Variants in SERGEF observed in about 807,000 individuals in gnomAD.
SERGEF encodes secretion-regulating guanine nucleotide exchange factor.
A neutral mutation model predicts 50.0 loss-of-function variants in SERGEF; 51 were observed. That is an observed-to-expected ratio of 1.02 (90% CI 0.81 to 1.29). SERGEF has a LOEUF of 1.29. SERGEF is among the 50% of genes most tolerant of loss of function. The probability of loss-of-function intolerance (pLI) is 0.00; values close to 1 mark genes in which losing one functional copy is unlikely to be tolerated. For missense variants in SERGEF, 521 were observed against 557.0 expected (o/e 0.94, Z 0.65); for synonymous variants, 205 against 212.4 (o/e 0.97, Z 0.30).
At chr11:17,976,877 G>A (rs183198013) in intron 8 of SERGEF, among the ~76,000 whole-genome samples, 2 of 152,392 alleles carry the variant, frequency 1.3e-5, no homozygotes, top group Admixed American at 6.5e-5. Flanking sequence ...ACTATGGACA[G>A]ATGGGGAAGC....
chr11:17,996,205 C>T (rs114314873), intron 5 of SERGEF, among the ~76,000 whole-genome samples: 217 of 152,202 alleles, frequency 1.4e-3, no homozygotes, highest in African/African-American at 5.0e-3. Flanking sequence ...GGAATGACAC[C>T]TTATTCATGA....
At chr11:17,890,609 T>C (rs561123) in intron 9 of SERGEF, among the ~76,000 whole-genome samples, 95,715 of 151,902 alleles carry the variant, frequency 0.63, 30,393 homozygotes, top group Non-Finnish European at 0.66. Context: ...TTTGTAGAGA[T>C]GGGGTCTTAT....
intron 9 of SERGEF, among the ~76,000 whole-genome samples, chr11:17,928,418 G>A (rs1206655298): frequency 6.6e-6 from 1 of 152,118 alleles, no homozygotes; most frequent in Non-Finnish European, 1.5e-5. Context: ...GAAGCAGAGT[G>A]GAACCAGCAC....
At chr11:17,970,285 A>T (rs930039245) in intron 8 of SERGEF, among the ~76,000 whole-genome samples, 2 of 152,182 alleles carry the variant, frequency 1.3e-5, no homozygotes, top group African/African-American at 4.8e-5. Context: ...GGTGATCTGT[A>T]ATCAATGATC....
At chr11:17,903,703 G>A (rs1055684385) in intron 9 of SERGEF, among the ~76,000 whole-genome samples, 8 of 152,118 alleles carry the variant, frequency 5.3e-5, no homozygotes, top group Non-Finnish European at 1.2e-4. Context: ...TAAAACACGG[G>A]GAGAGATATA....
chr11:17,788,309 A>T lies in SERGEF; in HGVS notation c.1153T>A (p.Ser385Thr). The change falls in exon 11 of 11, where the codon TCA becomes ACA. Residue 385 changes from serine (S) to threonine (T), a missense_variant. Transcript: ENST00000265965. ...GCCCCACAGCCCACAAGGAGTCCTG[A>T]CGATGACAGCAGAGCCTGCACCGGC... ...PKPVQALLSS[S>T]GLLVGCGAGH... The T allele has an allele frequency of 6.2e-7, 1 of 1,614,228 alleles. No homozygotes were observed. Among genetic ancestry groups the T allele is most frequent in the South Asian group, 1.1e-5 (1 of 91,090 alleles).
At chr11:17,883,716 T>G (rs1223028700) in intron 9 of SERGEF, among the ~76,000 whole-genome samples, 1 of 152,154 alleles carries the variant, frequency 6.6e-6, no homozygotes, top group Non-Finnish European at 1.5e-5. Flanking sequence ...GCAAGCCCAG[T>G]GCCAGGGACG....
intron 9 of SERGEF, among the ~76,000 whole-genome samples, chr11:17,911,365 TTAAAATATATA>T (rs968930573): frequency 2.0e-5 from 3 of 146,824 alleles, no homozygotes; most frequent in African/African-American, 5.0e-5. Context: ...ATTTTATATA[TTAAAATATATA>T]TAAAATATAT....
intron 10 of SERGEF, among the ~76,000 whole-genome samples, chr11:17,831,454 C>A (rs1039465288): frequency 6.6e-6 from 1 of 152,076 alleles, no homozygotes; most frequent in Non-Finnish European, 1.5e-5. Context: ...GGTGGCAAAG[C>A]CAAAACCAGG....
chr11:17,821,713 T>C (rs1850088412), intron 10 of SERGEF, among the ~76,000 whole-genome samples: 1 of 152,228 alleles, frequency 6.6e-6, no homozygotes, highest in Non-Finnish European at 1.5e-5. Context: ...TTAATCTCTC[T>C]ATATTAATTC....
At position 17,992,938 on chromosome 11, in the gene SERGEF, T is replaced by C. The variant is rs1396746883; in HGVS notation, c.678A>G (p.Ser226=). ...GAAAGAGCTGGTACCTACCTGTTAA[T>C]GAAGCTGAGTGGTCTGAGCCAGCAA... is the stretch of plus-strand genomic sequence containing the variant. The part of the protein sequence containing the change: ...CVLAGSDHSA[S]LTDAGEVYVW... Residue 226 remains serine (S), a synonymous_variant, in exon 7 of 11, where the codon TCA becomes TCG. Transcript: ENST00000265965. 1.6e-5 allele frequency: 26 copies of C among 1,614,002 alleles called. No homozygotes were observed. The highest frequency in any genetic ancestry group is 2.1e-5 in the Non-Finnish European group (25 of 1,179,840).
chr11:17,869,421 C>T (rs568716089), intron 10 of SERGEF, among the ~76,000 whole-genome samples: 257 of 152,310 alleles, frequency 1.7e-3, no homozygotes, highest in Non-Finnish European at 2.3e-3. Flanking sequence ...CTTAGTCCTT[C>T]TGGGCTGCTA....
At chr11:17,846,313 T>C (rs1331997562) in intron 10 of SERGEF, among the ~76,000 whole-genome samples, 2 of 152,212 alleles carry the variant, frequency 1.3e-5, no homozygotes, top group Non-Finnish European at 2.9e-5. Context: ...CTGCAGTTAA[T>C]ACACGGCAGA....
intron 1 of SERGEF, among the ~76,000 whole-genome samples, chr11:18,011,199 C>T (rs958227775): frequency 2.6e-5 from 4 of 151,728 alleles, no homozygotes; most frequent in Admixed American, 2.0e-4. Flanking sequence ...TCCTGTGAAC[C>T]GAACTTTATT....
At chr11:17,897,728 G>A (rs763478147) in intron 9 of SERGEF, among the ~76,000 whole-genome samples, 1 of 152,182 alleles carries the variant, frequency 6.6e-6, no homozygotes, top group African/African-American at 2.4e-5. Context: ...CAAATCTAAT[G>A]TATAGCAATA....
chr11:17,805,375 C>T (rs775610184), intron 10 of SERGEF, among the ~76,000 whole-genome samples: 3 of 152,148 alleles, frequency 2.0e-5, no homozygotes, highest in Non-Finnish European at 4.4e-5. Context: ...CCCAATATAC[C>T]CAGGCTGTAA....
intron 8 of SERGEF, among the ~76,000 whole-genome samples, chr11:17,974,106 G>A (rs1247577525): frequency 6.6e-6 from 1 of 152,098 alleles, no homozygotes; most frequent in African/African-American, 2.4e-5. Flanking sequence ...GTATGGAAAA[G>A]GAGGGGTTGC....
rs1392966653 is a variant in SERGEF at position 17,888,624 on chromosome 11, G to A, written c.1012-10380C>T. 7.1e-6 allele frequency among the ~76,000 whole-genome samples: 1 copy of A among 140,602 alleles called. No individual in the cohort carries two copies. The highest frequency in any genetic ancestry group is 7.4e-5 in the Admixed American group (1 of 13,540). The allele number at this position is 140,602 out of a possible 152,430, so 92.2% of individuals were successfully genotyped here. ...TTAGAGTTATCAGTATGAACTCACA[G>A]TTTTACACACACACACACACACACA... On this transcript the variant is annotated intron_variant, in intron 9 of 10. Coordinates refer to ENST00000265965, the MANE Select transcript of SERGEF (RefSeq NM_012139.4). The surrounding 1 kb of genome is among the most constrained non-coding windows in gnomAD (Gnocchi z 4.1).
At chr11:17,838,504 G>A (rs1169705628) in intron 10 of SERGEF, among the ~76,000 whole-genome samples, 1 of 152,148 alleles carries the variant, frequency 6.6e-6, no homozygotes, top group Non-Finnish European at 1.5e-5. Flanking sequence ...TATTGACTGA[G>A]CACCTCCTCT....
Sources: allele counts gnomAD v4.1 joint callset (sites outside exome capture counted in the v4.1 genomes callset), GRCh38; gene constraint gnomAD v4.1.1; non-coding constraint Gnocchi (gnomAD v3.1); transcripts MANE v1.5; gene names NCBI Gene and HGNC (gene_info 2026-07-23, HGNC 2026-07-21).